NPNT: variants seen among roughly 807,000 people sequenced by gnomAD.
NPNT encodes nephronectin, also known as preosteoblast EGF-like repeat protein with MAM domain.
Under a neutral mutation model 68.6 loss-of-function variants are expected in NPNT, and 45 were observed. That is an observed-to-expected ratio of 0.66 (90% confidence interval 0.52 to 0.84). NPNT has a LOEUF of 0.84. Among genes scored for constraint, NPNT ranks in the 40% least tolerant of loss-of-function variants. The probability of loss-of-function intolerance (pLI) is 0.00; values close to 1 mark genes in which losing one functional copy is unlikely to be tolerated. For synonymous variants in NPNT, 233 were observed against 253.3 expected (o/e 0.92, Z 0.76); for missense variants, 672 against 714.8 (o/e 0.94, Z 0.68).
At chr4:105,908,144 C>G (rs972609273) in intron 2 of NPNT, among the ~76,000 whole-genome samples, 4 of 151,752 alleles carry the variant, frequency 2.6e-5, no homozygotes, top group Non-Finnish European at 4.4e-5. Flanking sequence ...GAGAACAAAC[C>G]GTTTTATTCC....
At chr4:105,901,559 C>G (rs182518879) in intron 2 of NPNT, among the ~76,000 whole-genome samples, 1 of 152,106 alleles carries the variant, frequency 6.6e-6, no homozygotes, top group Non-Finnish European at 1.5e-5. Flanking sequence ...AAAACTATTC[C>G]GTTTCTGAGT....
At chr4:105,931,668 C>A (rs1201558750) in intron 3 of NPNT, among the ~76,000 whole-genome samples, 1,034 of 99,480 alleles carry the variant, frequency 0.01, no homozygotes, top group Non-Finnish European at 0.012. Flanking sequence ...ACTAAAAATA[C>A]AAAAAAAAAA....
intron 2 of NPNT, 105 bp downstream of exon 2, chr4:105,898,106 G>A: frequency 2.7e-6 from 2 of 731,282 alleles, no homozygotes; most frequent in Non-Finnish European, 2.2e-6. Flanking sequence ...AGCAAGGCTT[G>A]GCCTTGCAGG....
At position 105,940,666 on chromosome 4, in the gene NPNT, T is replaced by C. The variant is rs368890740; in HGVS notation, c.763+30T>C. The C allele has an allele frequency of 6.4e-5, 103 of 1,604,414 alleles. No homozygotes were observed. In the African/African-American group the frequency reaches 1.2e-3, roughly 18 times the overall value. ...GTAGCACTTGTCTCTCAGCTTTAAA[T>C]TCTAGCAGGAAATACAGGATTACAC... On this transcript the variant is annotated intron_variant, in intron 7 of 11. Transcript: ENST00000379987.
chr4:105,932,987 T>A (rs1729234543), intron 3 of NPNT, among the ~76,000 whole-genome samples: 1 of 152,176 alleles, frequency 6.6e-6, no homozygotes, highest in Non-Finnish European at 1.5e-5. Flanking sequence ...TTTTTTCATA[T>A]GTAGGCAAAT....
chr4:105,928,051 G>A lies in NPNT; in HGVS notation c.265+623G>A, dbSNP rs143946734. Among the ~76,000 whole-genome samples the A allele has an allele frequency of 9.5e-3, 1,443 of 152,172 alleles. 6 individuals are homozygous for A. Among genetic ancestry groups the A allele is most frequent in the Non-Finnish European group, 0.013 (880 of 68,006 alleles). ...CTTTACAACAACATTAGGAAGTAGA[G>A]CATTATTTATTATAATTAAGGTATA... is the stretch of plus-strand genomic sequence containing the variant. On this transcript the variant is annotated intron_variant, in intron 3 of 11. Transcript: ENST00000379987.
intron 2 of NPNT, among the ~76,000 whole-genome samples, chr4:105,906,622 T>G (rs1726919722): frequency 6.6e-6 from 1 of 152,170 alleles, no homozygotes; most frequent in Non-Finnish European, 1.5e-5. Context: ...TGTTCTGAAG[T>G]TTGCTGTATT....
intron 7 of NPNT, among the ~76,000 whole-genome samples, chr4:105,942,095 ATG>A (rs1259485411): frequency 2.7e-5 from 4 of 149,556 alleles, no homozygotes; most frequent in African/African-American, 7.5e-5. Flanking sequence ...ATGAATATAT[ATG>A]TGTGTGTCTG....
At chr4:105,954,714 A>G (rs1731084932) in intron 8 of NPNT, among the ~76,000 whole-genome samples, 1 of 151,932 alleles carries the variant, frequency 6.6e-6, no homozygotes, top group Non-Finnish European at 1.5e-5. Flanking sequence ...CTCTCTTTTC[A>G]TTCTCCAGAG....
chr4:105,959,918 T>C lies in NPNT; in HGVS notation c.1345+792T>C, dbSNP rs1382022176. 3.3e-5 allele frequency among the ~76,000 whole-genome samples: 5 copies of C among 151,720 alleles called. No homozygotes were observed. The East Asian group carries it at 7.8e-4, about 24-fold the overall frequency. On this transcript the variant is annotated intron_variant, in intron 10 of 11. Transcript: ENST00000379987. ...TCTGCCTCCTGGGTTCAATGAATTC[T>C]CCTGCCTCAGCCTCCCAAGTAGCTG... is the stretch of plus-strand genomic sequence containing the variant.
chr4:105,907,584 A>G (rs183844286), intron 2 of NPNT, among the ~76,000 whole-genome samples: 255 of 152,214 alleles, frequency 1.7e-3, no homozygotes, highest in Admixed American at 3.6e-3. Context: ...AATGTAGCCA[A>G]GATAATTTGG....
chr4:105,896,877 A>G (rs551881199), intron 1 of NPNT, among the ~76,000 whole-genome samples: 8 of 152,324 alleles, frequency 5.3e-5, no homozygotes, highest in Admixed American at 5.2e-4. Flanking sequence ...AGGGGAATTG[A>G]AAAAGATAAG....
chr4:105,904,491 C>T (rs1726712692), intron 2 of NPNT, among the ~76,000 whole-genome samples: 1 of 152,150 alleles, frequency 6.6e-6, no homozygotes, highest in Non-Finnish European at 1.5e-5. Context: ...AGTGAATGTC[C>T]ATCTGCTCCC....
intron 8 of NPNT, among the ~76,000 whole-genome samples, chr4:105,948,614 C>T (rs192405031): frequency 1.6e-3 from 249 of 152,094 alleles, no homozygotes; most frequent in African/African-American, 5.6e-3. Flanking sequence ...AAGGTTGCAA[C>T]TTTTTATGTG....
intron 10 of NPNT, among the ~76,000 whole-genome samples, chr4:105,960,948 A>AT (rs1054089674): frequency 4.6e-5 from 7 of 152,174 alleles, no homozygotes; most frequent in Non-Finnish European, 8.8e-5. Flanking sequence ...TTATAAAAGT[A>AT]TTTTTTTAAA....
At chr4:105,936,754 CTGT>C (rs1729524225) in intron 3 of NPNT, among the ~76,000 whole-genome samples, 1 of 152,106 alleles carries the variant, frequency 6.6e-6, no homozygotes, top group African/African-American at 2.4e-5. Flanking sequence ...AGGTAGGCAC[CTGT>C]TGTTGAGAAT....
chr4:105,929,270 T>A (rs1394931533), intron 3 of NPNT, among the ~76,000 whole-genome samples: 6 of 152,206 alleles, frequency 3.9e-5, no homozygotes, highest in Admixed American at 3.9e-4. Flanking sequence ...TTTGAAAACA[T>A]ACTCAAAATG....
intron 8 of NPNT, among the ~76,000 whole-genome samples, chr4:105,949,827 A>T (rs1042366210): frequency 1.3e-5 from 2 of 152,252 alleles, no homozygotes; most frequent in African/African-American, 4.8e-5. Flanking sequence ...AATTAGATAT[A>T]AAATACATGT....
chr4:105,970,670 C>G lies in NPNT; in HGVS notation c.*1680C>G, dbSNP rs758888492. 3.7e-6 allele frequency: 2 copies of G among 542,668 alleles called. No homozygotes were observed. Among genetic ancestry groups the G allele is most frequent in the South Asian group, 1.8e-5 (1 of 56,448 alleles). The allele number at this position is 542,668 out of a possible 1,614,324, so 33.6% of individuals were successfully genotyped here. ...AAGAAGTGTGAAAATCTCAGTATCT[C>G]TCTCTCTTTCTAAAAAATTAGATAA... On this transcript the variant is annotated 3_prime_UTR_variant, in exon 12 of 12. Transcript: ENST00000379987.
Sources: gnomAD v4.1 joint callset for allele counts (sites outside exome capture counted in the v4.1 genomes callset) on GRCh38, gnomAD v4.1.1 for gene constraint, MANE v1.5 for transcripts, NCBI Gene and HGNC (gene_info 2026-07-23, HGNC 2026-07-21) for gene names.